The following CDH23 variants were observed in gnomAD, a reference collection of about 807,000 sequenced individuals.
CDH23 encodes the protein cadherin-23.
A neutral mutation model predicts 317.1 loss-of-function variants in CDH23; 189 were observed. The observed-to-expected ratio is 0.60, with a 90% CI of 0.53 to 0.67. CDH23 has a LOEUF of 0.67. Ranked by LOEUF, CDH23 falls within the 30% of genes least tolerant of loss-of-function variation. The pLI is 0.00. For synonymous variants in CDH23, 1,839 were observed against 1,876.8 expected, an observed-to-expected ratio of 0.98 and a Z score of 0.52; for missense variants, 4,401 against 4,592.4, an observed-to-expected ratio of 0.96 and a Z score of 1.20.
At chr10:71,472,500 C>G (rs539207166) in intron 3 of CDH23, among the ~76,000 whole-genome samples, 2 of 152,258 alleles carry the variant, frequency 1.3e-5, no homozygotes, top group Non-Finnish European at 2.9e-5. Flanking sequence ...TGGACCCTCA[C>G]TCAGCCCAGC....
At chr10:71,500,965 G>A (rs1853297661) in intron 3 of CDH23, among the ~76,000 whole-genome samples, 1 of 151,892 alleles carries the variant, frequency 6.6e-6, no homozygotes. Flanking sequence ...TGCCTCCTGG[G>A]CTCTAGCAAT....
chr10:71,600,277 C>T (rs1243535937), intron 9 of CDH23, among the ~76,000 whole-genome samples: 1 of 152,082 alleles, frequency 6.6e-6, no homozygotes, highest in Non-Finnish European at 1.5e-5. Context: ...GCTGGGATTA[C>T]AGGCGTGAGC....
rs1316747493 is a variant in CDH23, at chr10:71,773,579, C to A, written c.4846-4101C>A. 5 of 710,360 alleles carry A rather than the reference C, an allele frequency of 7.0e-6. No individual in the cohort carries two copies. The African/African-American group carries it at 7.6e-5, about 11-fold the overall frequency. 44.0% of individuals were successfully genotyped at this position (710,360 alleles called of 1,614,324 possible). On this transcript the variant is annotated intron_variant, in intron 38 of 69. Transcript: ENST00000224721. ...AGCGCCGTGCTCCAGGCACCCGCCCCCTTCGCGCAGCGCCCCCGGGGGGCC... is the reference window on the plus strand; with the variant it reads ...AGCGCCGTGCTCCAGGCACCCGCCCACTTCGCGCAGCGCCCCCGGGGGGCC...
chr10:71,410,702 A>G (rs906083336), intron 1 of CDH23, among the ~76,000 whole-genome samples: 1 of 152,118 alleles, frequency 6.6e-6, no homozygotes. Flanking sequence ...CAGTAGATTC[A>G]TTTTGCCTAT....
At chr10:71,724,129 G>A (rs1397145429) in intron 29 of CDH23, 24 bp downstream of exon 29, 1 of 1,552,734 alleles carries the variant, frequency 6.4e-7, no homozygotes, top group Non-Finnish European at 8.7e-7. Context: ...CCCTAGGATG[G>A]GGGGCGGTCC....
rs565365631 is a variant in CDH23, at chr10:71,796,071, C to A, written c.6713-1033C>A. 2.8e-4 allele frequency: 276 copies of A among 984,278 alleles called. No individual in the cohort carries two copies. The African/African-American group carries it at 4.1e-3, about 15-fold the overall frequency. 61.0% of individuals were successfully genotyped at this position (984,278 alleles called of 1,614,324 possible). A position where few individuals can be genotyped will look rare whatever the true frequency, so the allele number is the denominator to read the frequency against. On this transcript the variant is annotated intron_variant, in intron 48 of 69. Coordinates refer to ENST00000224721, the MANE Select transcript of CDH23 (RefSeq NM_022124.6). The stretch of plus-strand genomic sequence containing the variant: ...GAGGAGGAGGAGGAGGAGGAGGAGG[C>A]GGCCCAGGGTAAGTGACTACCCCAT...
At chr10:71,444,843 T>C (rs550329244) in intron 2 of CDH23, among the ~76,000 whole-genome samples, 1 of 152,168 alleles carries the variant, frequency 6.6e-6, no homozygotes, top group Non-Finnish European at 1.5e-5. Flanking sequence ...TCAGGGCCCC[T>C]GGAGGGCTGA....
intron 49 of CDH23, among the ~76,000 whole-genome samples, chr10:71,797,940 G>C (rs1841447455): frequency 6.6e-6 from 1 of 152,144 alleles, no homozygotes. Flanking sequence ...TCACAGCCCA[G>C]AAGCCCACAT....
rs180768686 is a variant in CDH23 at position 71,629,046 on chromosome 10, G to A, written c.1134+11653G>A. ...AGCAGGCGCCCACGGGCCTCTGGCA[G>A]GAACAAGGAAGAGATGCCCTGAGGG... On this transcript the variant is annotated intron_variant, in intron 11 of 69. Coordinates refer to ENST00000224721, the MANE Select transcript of CDH23 (RefSeq NM_022124.6). Among the ~76,000 whole-genome samples, 769 of 152,340 alleles carry A rather than the reference G, an allele frequency of 5.0e-3. 9 individuals are homozygous for A. Among genetic ancestry groups the A allele is most frequent in the Non-Finnish European group, 8.9e-3 (608 of 68,036 alleles).
intron 18 of CDH23, among the ~76,000 whole-genome samples, chr10:71,686,625 A>G (rs2132692243): frequency 6.6e-6 from 1 of 152,250 alleles, no homozygotes; most frequent in Admixed American, 6.5e-5. Context: ...ATGAGAAGCC[A>G]GGCCTTCTCA....
chr10:71,530,034 GACACAC>G (rs57652121), intron 6 of CDH23, among the ~76,000 whole-genome samples: 196 of 140,918 alleles, frequency 1.4e-3, no homozygotes, highest in African/African-American at 2.9e-3. Context: ...CACACATACA[GACACAC>G]ACACACACAC....
At chr10:71,594,979 G>A (rs1859743236) in intron 9 of CDH23, among the ~76,000 whole-genome samples, 1 of 152,202 alleles carries the variant, frequency 6.6e-6, no homozygotes. Context: ...AAAGGGCTCT[G>A]GCATTAATAT....
At chr10:71,558,628 G>T (rs572583470) in intron 6 of CDH23, among the ~76,000 whole-genome samples, 1 of 152,202 alleles carries the variant, frequency 6.6e-6, no homozygotes, top group African/African-American at 2.4e-5. Flanking sequence ...ATCCTTAGTT[G>T]TCTCTTCATA....
chr10:71,644,893 C>T (rs10823811), intron 12 of CDH23, among the ~76,000 whole-genome samples: 91,152 of 152,092 alleles, frequency 0.6, 28,256 homozygotes, highest in East Asian at 0.92. Flanking sequence ...GGAGGGGAGT[C>T]TGGGGGCGCA....
At chr10:71,492,473 C>T (rs554673184) in intron 3 of CDH23, among the ~76,000 whole-genome samples, 1 of 152,244 alleles carries the variant, frequency 6.6e-6, no homozygotes, top group Non-Finnish European at 1.5e-5. Flanking sequence ...GAAAACTGAC[C>T]CTTACTCTCT....
intron 41 of CDH23, among the ~76,000 whole-genome samples, chr10:71,781,552 G>C (rs1417690067): frequency 6.6e-6 from 1 of 152,220 alleles, no homozygotes; most frequent in East Asian, 1.9e-4. Context: ...AAGGCACAGA[G>C]CACACACCTG....
chr10:71,539,874 C>T (rs1385119506), intron 6 of CDH23, among the ~76,000 whole-genome samples: 2 of 152,124 alleles, frequency 1.3e-5, no homozygotes, highest in African/African-American at 4.8e-5. Flanking sequence ...CCCATCTTCC[C>T]CTTTCCCTCT....
chr10:71,729,589 G>A (rs370742159), intron 30 of CDH23, among the ~76,000 whole-genome samples: 1 of 152,168 alleles, frequency 6.6e-6, no homozygotes, highest in East Asian at 1.9e-4. Flanking sequence ...AGTGGGGTGG[G>A]GTTGGTCTTC....
At chr10:71,510,270 G>C (rs377439825) in intron 4 of CDH23, 46 bp downstream of exon 4, 1 of 1,595,228 alleles carries the variant, frequency 6.3e-7, no homozygotes, top group Non-Finnish European at 8.6e-7. Context: ...CTGGGGACAG[G>C]AGGAGACACT....
Sources: gnomAD v4.1 joint callset for allele counts (sites outside exome capture counted in the v4.1 genomes callset) on GRCh38, gnomAD v4.1.1 for gene constraint, MANE v1.5 for transcripts, NCBI Gene and HGNC (gene_info 2026-07-23, HGNC 2026-07-21) for gene names.